ANKRD36B: variants seen among roughly 807,000 people sequenced by gnomAD.
The protein encoded by ANKRD36B is ankyrin repeat domain 36B, also known as ankyrin repeat domain-containing protein 36B.
A neutral mutation model predicts 135.7 loss-of-function variants in ANKRD36B; 37 were observed. The observed-to-expected ratio is 0.27, with a 90% confidence interval of 0.21 to 0.36. The LOEUF (loss-of-function observed/expected upper bound fraction) is 0.36, where lower values mean the gene tolerates loss of function less well. Among genes scored for constraint, ANKRD36B ranks in the 10% least tolerant of loss-of-function variants. The pLI is 1.00. For missense variants in ANKRD36B, 549 were observed against 1,037.1 expected (o/e 0.53, Z 6.46); for synonymous variants, 179 against 348.1 (o/e 0.51, Z 5.41).
At chr2:97,556,250 T>C (rs1049997061) in intron 12 of ANKRD36B, among the ~76,000 whole-genome samples, 12 of 151,864 alleles carry the variant, frequency 7.9e-5, no homozygotes, top group Non-Finnish European at 1.6e-4. Context: ...ATAAAAAATA[T>C]ATGTCTGATG....
Position 97,551,212 on chromosome 2 carries a change from C to G in ANKRD36B, c.1375+77G>C, listed in dbSNP as rs2080026738. ...AGTCAGAATGTGCAGCTTCGACCAG[C>G]CCCCCACTGATTTATTCGGGGAAGA... On this transcript the variant is annotated intron_variant, in intron 18 of 43. Coordinates refer to ENST00000359901, the MANE Select transcript of ANKRD36B (RefSeq NM_001393939.1). The G allele has an allele frequency of 4.0e-6, 6 of 1,509,556 alleles. No individual in the cohort carries two copies. The African/African-American group carries it at 5.5e-5, about 14-fold the overall frequency. The allele number at this position is 1,509,556 out of a possible 1,614,324, so 93.5% of individuals were successfully genotyped here.
intron 1 of ANKRD36B, 60 bp downstream of exon 1, chr2:97,589,465 G>A: frequency 7.7e-7 from 1 of 1,294,318 alleles, no homozygotes; most frequent in South Asian, 1.3e-5. Flanking sequence ...AGCCTGCAAA[G>A]GGGTACTTCT....
Position 97,586,939 on chromosome 2 carries a change from C to T in ANKRD36B, c.162-1541G>A, listed in dbSNP as rs561685876. 8.5e-5 allele frequency among the ~76,000 whole-genome samples: 13 copies of T among 152,202 alleles called. No individual in the cohort carries two copies. The East Asian group carries it at 1.5e-3, about 18-fold the overall frequency. Reference sequence around the variant, plus strand: ...CTGTAATCCCAGAACTTTGGGAGGCCGAGGCGGGGGGATCACCTGAGGTCA... The same window carrying T: ...CTGTAATCCCAGAACTTTGGGAGGCTGAGGCGGGGGGATCACCTGAGGTCA... On this transcript the variant is annotated intron_variant, in intron 1 of 43. Transcript: ENST00000359901.
At chr2:97,579,824 T>TTA (rs1310654466) in intron 4 of ANKRD36B, among the ~76,000 whole-genome samples, 5 of 151,920 alleles carry the variant, frequency 3.3e-5, no homozygotes, top group African/African-American at 1.2e-4. Context: ...CATTCTAACA[T>TTA]TATATATATA....
chr2:97,577,884 C>T (rs1292848512), intron 5 of ANKRD36B, among the ~76,000 whole-genome samples: 1 of 151,868 alleles, frequency 6.6e-6, no homozygotes, highest in Non-Finnish European at 1.5e-5. Context: ...CTTCCACTAC[C>T]TGAGAAAAGC....
In ANKRD36B at chr2:97,524,445, T is replaced by A. The variant is rs1394439121; in HGVS notation, c.2266-978A>T. On this transcript the variant is annotated intron_variant, in intron 35 of 43. Transcript: ENST00000359901. The stretch of plus-strand genomic sequence containing the variant: ...TTAAAAACATGTTCAGTATCTGGTT[T>A]GTTGTCATTTTCACAGTCTACTTTA... 6.2e-5 allele frequency: 6 copies of A among 96,590 alleles called. 2 individuals carry two copies. In the East Asian group the frequency reaches 1.4e-3, roughly 22 times the overall value. 6.0% of individuals were successfully genotyped at this position (96,590 alleles called of 1,614,324 possible).
intron 1 of ANKRD36B, among the ~76,000 whole-genome samples, chr2:97,586,650 T>C (rs1261043339): frequency 6.6e-6 from 1 of 152,198 alleles, no homozygotes; most frequent in Non-Finnish European, 1.5e-5. Context: ...ATTAAAGCAG[T>C]GCTTTTGGAA....
intron 6 of ANKRD36B, among the ~76,000 whole-genome samples, chr2:97,571,507 G>A (rs1463350731): frequency 9.2e-5 from 14 of 152,206 alleles, no homozygotes; most frequent in African/African-American, 2.9e-4. Flanking sequence ...TTAGCTGGGC[G>A]TGGTGGTGCA....
intron 10 of ANKRD36B, among the ~76,000 whole-genome samples, chr2:97,558,262 G>A (rs4092024): frequency 5.9e-5 from 9 of 152,140 alleles, no homozygotes; most frequent in South Asian, 2.1e-4. Flanking sequence ...AAAAATGTTC[G>A]AATATGCAAC....
chr2:97,561,196 A>T (rs12468249), intron 6 of ANKRD36B, among the ~76,000 whole-genome samples: 3,241 of 151,972 alleles, frequency 0.021, 65 homozygotes, highest in South Asian at 0.078. Flanking sequence ...CAACTCATAC[A>T]CCTGGGAATC....
In ANKRD36B at chr2:97,527,064, A is replaced by T. The variant is rs561772385; in HGVS notation, c.2266-3597T>A. On this transcript the variant is annotated intron_variant, in intron 35 of 43. Coordinates refer to ENST00000359901, the MANE Select transcript of ANKRD36B (RefSeq NM_001393939.1). ...AGGAAATACAGACAACGCCACAAAG[A>T]TACCCCTCGAGAAGAGCAACTCCAA... Among the ~76,000 whole-genome samples the T allele has an allele frequency of 3.0e-3, 284 of 95,252 alleles. 76 individuals are homozygous for T. Among genetic ancestry groups the T allele is most frequent in the Middle Eastern group, 0.021 (4 of 194 alleles). The allele number at this position is 95,252 out of a possible 152,430, so 62.5% of individuals were successfully genotyped here.
At chr2:97,557,445 A>T (rs1266894424) in intron 10 of ANKRD36B, among the ~76,000 whole-genome samples, 1 of 151,818 alleles carries the variant, frequency 6.6e-6, no homozygotes, top group Non-Finnish European at 1.5e-5. Context: ...CTAAAATCAG[A>T]GGAGCAACTC....
chr2:97,545,975 T>C, intron 22 of ANKRD36B, 114 bp from the exon 23 acceptor site: 1 of 920,502 alleles, frequency 1.1e-6, no homozygotes, highest in East Asian at 2.5e-5. Flanking sequence ...AGTGTAGGCT[T>C]TGATGGCTTC....
rs1204537752 is a variant in ANKRD36B, at chr2:97,535,218, C to G, written c.2191+1082G>C. On this transcript the variant is annotated intron_variant, in intron 34 of 43. Transcript: ENST00000359901. ...AAAGAGGATGCTTAATAAGTACAAACTATAGTTAGAAACAATGAATAAAAT... is the reference window on the plus strand; with the variant it reads ...AAAGAGGATGCTTAATAAGTACAAAGTATAGTTAGAAACAATGAATAAAAT... 2.0e-5 allele frequency among the ~76,000 whole-genome samples: 2 copies of G among 101,078 alleles called. 1 individual carries two copies. Among genetic ancestry groups the G allele is most frequent in the Non-Finnish European group, 5.4e-5 (2 of 36,880 alleles). The allele number at this position is 101,078 out of a possible 152,430, so 66.3% of individuals were successfully genotyped here. A position where few individuals can be genotyped will look rare whatever the true frequency, so the allele number is the denominator to read the frequency against.
intron 20 of ANKRD36B, 78 bp downstream of exon 20, chr2:97,549,341 C>A (rs928237341): frequency 6.8e-6 from 10 of 1,467,318 alleles, no homozygotes; most frequent in African/African-American, 5.5e-5. Flanking sequence ...TCGACGAGCC[C>A]CCCGCTGATT....
chr2:97,556,294 G>T (rs1437244850), intron 12 of ANKRD36B, among the ~76,000 whole-genome samples: 1 of 151,834 alleles, frequency 6.6e-6, no homozygotes, highest in Non-Finnish European at 1.5e-5. Flanking sequence ...AGGCACTGTG[G>T]TTTATCCCAA....
At chr2:97,528,183 C>G (rs1444751466) in intron 35 of ANKRD36B, among the ~76,000 whole-genome samples, 1 of 95,976 alleles carries the variant, frequency 1.0e-5, no homozygotes, top group African/African-American at 3.1e-5. Flanking sequence ...TGTAAAAGTA[C>G]AGAAAGTATA....
At chr2:97,561,969 C>T (rs4069653) in intron 6 of ANKRD36B, among the ~76,000 whole-genome samples, 6 of 147,488 alleles carry the variant, frequency 4.1e-5, no homozygotes, top group East Asian at 2.0e-4. Flanking sequence ...AATCATCCCT[C>T]ATGCAAATAT....
intron 43 of ANKRD36B, among the ~76,000 whole-genome samples, chr2:97,498,057 T>C (rs2077321435): frequency 2.8e-5 from 1 of 35,434 alleles, no homozygotes; most frequent in Non-Finnish European, 6.9e-5. Flanking sequence ...TTTAATACAA[T>C]GCTTCAGCAG....
Sources: gnomAD v4.1 joint callset for allele counts (sites outside exome capture counted in the v4.1 genomes callset) on GRCh38, gnomAD v4.1.1 for gene constraint, MANE v1.5 for transcripts, NCBI Gene and HGNC (gene_info 2026-07-23, HGNC 2026-07-21) for gene names.